Variants in C3orf70 observed in about 807,000 individuals in gnomAD.
The protein encoded by C3orf70 is UPF0524 protein C3orf70.
Under a neutral mutation model 20.7 loss-of-function variants are expected in C3orf70, and 15 were observed. That is an observed-to-expected ratio of 0.72 (90% CI 0.48 to 1.11). The LOEUF is 1.11. C3orf70 is among the 50% of genes most tolerant of loss of function. C3orf70 has a pLI of 0.00. For missense variants in C3orf70, 332 were observed against 317.6 expected (o/e 1.05, Z -0.34); for synonymous variants, 161 against 125.7 (o/e 1.28, Z -1.88).
rs1489936446 is a variant in C3orf70, at chr3:185,078,705, CTG to C, written c.*4300_*4301del. On this transcript the variant is annotated 3_prime_UTR_variant, in exon 2 of 2. Transcript: ENST00000335012. ...CTGGAGAAGGGGACAGAAGAGAAAA[CTG>C]TTAAAACTTTGTTTTCCTCATGTAA... 1 of 152,182 alleles carries C rather than the reference CTG, an allele frequency of 6.6e-6. No individual in the cohort carries two copies. The highest frequency in any genetic ancestry group is 1.5e-5 in the Non-Finnish European group (1 of 68,020). The allele number at this position is 152,182 out of a possible 1,614,324, so 9.4% of individuals were successfully genotyped here.
In C3orf70 at chr3:185,079,853, G is replaced by A. The variant is rs929144591; in HGVS notation, c.*3154C>T. The A allele has an allele frequency of 2.0e-5, 3 of 152,662 alleles. No homozygotes were observed. The highest frequency in any genetic ancestry group is 7.2e-5 in the African/African-American group (3 of 41,464). The allele number at this position is 152,662 out of a possible 1,614,324, so 9.5% of individuals were successfully genotyped here. A position where few individuals can be genotyped will look rare whatever the true frequency, so the allele number is the denominator to read the frequency against. ...TTCATATCTGTCAGTCAGTGTGCAA[G>A]TGTTAACCACTTCATGTGACTGAGT... On this transcript the variant is annotated 3_prime_UTR_variant, in exon 2 of 2. Coordinates refer to ENST00000335012, the MANE Select transcript of C3orf70 (RefSeq NM_001025266.3).
chr3:185,133,606 A>C (rs1009806911), intron 1 of C3orf70, among the ~76,000 whole-genome samples: 1 of 147,398 alleles, frequency 6.8e-6, no homozygotes, highest in Non-Finnish European at 1.5e-5. Flanking sequence ...TTAGCCAGGC[A>C]TGGTGCACAC....
chr3:185,126,633 T>C (rs1468370316), intron 1 of C3orf70, among the ~76,000 whole-genome samples: 1 of 152,164 alleles, frequency 6.6e-6, no homozygotes, highest in African/African-American at 2.4e-5. Context: ...ACCCAAGAAA[T>C]AGATATTATC....
intron 1 of C3orf70, among the ~76,000 whole-genome samples, chr3:185,115,425 A>C (rs1716155349): frequency 6.6e-6 from 1 of 152,186 alleles, no homozygotes; most frequent in African/African-American, 2.4e-5. Flanking sequence ...CCCATTATGG[A>C]GAAGGCTTCC....
chr3:185,122,458 C>A (rs1441460951), intron 1 of C3orf70, among the ~76,000 whole-genome samples: 1 of 152,064 alleles, frequency 6.6e-6, no homozygotes, highest in Admixed American at 6.5e-5. Context: ...TCGAAAGCCC[C>A]GAGTGTCTAA....
chr3:185,102,353 G>C (rs1715839897), intron 1 of C3orf70, among the ~76,000 whole-genome samples: 1 of 152,168 alleles, frequency 6.6e-6, no homozygotes, highest in South Asian at 2.1e-4. Context: ...AGCTAACCAG[G>C]GAGGTGAAAG....
intron 1 of C3orf70, among the ~76,000 whole-genome samples, chr3:185,127,473 C>A (rs1716436221): frequency 6.6e-6 from 1 of 152,150 alleles, no homozygotes; most frequent in African/African-American, 2.4e-5. Context: ...GAGTCTCATT[C>A]TTGTCACCCA....
rs1201415927 is a variant in C3orf70, at chr3:185,078,391, G to A, written c.*4616C>T. 6.6e-6 allele frequency: 1 copy of A among 152,256 alleles called. No homozygotes were observed. The highest frequency in any genetic ancestry group is 1.5e-5 in the Non-Finnish European group (1 of 68,040). The allele number at this position is 152,256 out of a possible 1,614,324, so 9.4% of individuals were successfully genotyped here. A position where few individuals can be genotyped will look rare whatever the true frequency, so the allele number is the denominator to read the frequency against. Reference sequence around the variant, plus strand: ...GAAAAAAGAAGTCATAGCACTAACTGAAACATGGCCTTTTCCTAGAACAGC... The same window carrying A: ...GAAAAAAGAAGTCATAGCACTAACTAAAACATGGCCTTTTCCTAGAACAGC... On this transcript the variant is annotated 3_prime_UTR_variant, in exon 2 of 2. Transcript: ENST00000335012.
chr3:185,080,674 T>C lies in C3orf70; in HGVS notation c.*2333A>G, dbSNP rs1015968190. 5 of 152,272 alleles carry C rather than the reference T, an allele frequency of 3.3e-5. No homozygotes were observed. The highest frequency in any genetic ancestry group is 7.3e-5 in the Non-Finnish European group (5 of 68,072). The allele number at this position is 152,272 out of a possible 1,614,324, so 9.4% of individuals were successfully genotyped here. The stretch of plus-strand genomic sequence containing the variant: ...ACACACGGCTTGCAGGCATTTGGCT[T>C]CCACACCTGCCTTCAGTGAGCCACT... On this transcript the variant is annotated 3_prime_UTR_variant, in exon 2 of 2. Coordinates refer to ENST00000335012, the MANE Select transcript of C3orf70 (RefSeq NM_001025266.3).
chr3:185,119,186 G>C (rs1716241541), intron 1 of C3orf70, among the ~76,000 whole-genome samples: 1 of 152,100 alleles, frequency 6.6e-6, no homozygotes, highest in South Asian at 2.1e-4. Context: ...CCACATTTTA[G>C]TACTATGAGG....
chr3:185,083,014 G>GTCGTTTCTA lies in C3orf70; in HGVS notation c.737_745dup (p.Ile246_Thr248dup). 1 of 1,613,340 alleles carries GTCGTTTCTA rather than the reference G, an allele frequency of 6.2e-7. No individual in the cohort carries two copies. The highest frequency in any genetic ancestry group is 8.5e-7 in the Non-Finnish European group (1 of 1,179,578). Reference sequence around the variant, plus strand: ...GGCTTCCTGTCTGGACTCTCACACAGTCGTTTCTATCGTTTCAATCACTTC... The same window carrying GTCGTTTCTA: ...GGCTTCCTGTCTGGACTCTCACACAGTCGTTTCTATCGTTTCTATCGTTTCAATCACTTC... On this transcript the variant is annotated inframe_insertion, in exon 2 of 2. Coordinates refer to ENST00000335012, the MANE Select transcript of C3orf70 (RefSeq NM_001025266.3).
intron 1 of C3orf70, 41 bp downstream of exon 1, chr3:185,152,587 C>G (rs1717014576): frequency 1.3e-6 from 2 of 1,511,992 alleles, no homozygotes; most frequent in African/African-American, 1.5e-5. Context: ...CGGGCGTCCC[C>G]CGGACCGCGG....
At chr3:185,149,814 A>C (rs982610372) in intron 1 of C3orf70, among the ~76,000 whole-genome samples, 1 of 152,232 alleles carries the variant, frequency 6.6e-6, no homozygotes, top group Non-Finnish European at 1.5e-5. Flanking sequence ...GGACTGCCAA[A>C]GACTGGAAAA....
At chr3:185,132,239 A>C (rs566480990) in intron 1 of C3orf70, among the ~76,000 whole-genome samples, 1 of 152,204 alleles carries the variant, frequency 6.6e-6, no homozygotes. Context: ...AATCCAGTGA[A>C]TCAGATCTGC....
intron 1 of C3orf70, among the ~76,000 whole-genome samples, chr3:185,105,838 G>C (rs988107393): frequency 6.6e-6 from 1 of 152,182 alleles, no homozygotes; most frequent in African/African-American, 2.4e-5. Flanking sequence ...GAGTAAGAAG[G>C]GGAGCTTGGA....
intron 1 of C3orf70, among the ~76,000 whole-genome samples, chr3:185,096,606 G>T (rs1297802547): frequency 8.5e-5 from 13 of 152,138 alleles, no homozygotes; most frequent in Non-Finnish European, 1.8e-4. Flanking sequence ...GGGTGCGGAG[G>T]ACTCTGCAGG....
Position 185,083,016 on chromosome 3 carries a change from C to A in C3orf70, c.744G>T (p.Thr248=). Residue 248 remains threonine (T), a synonymous_variant, in exon 2 of 2, where the codon ACG becomes ACT. Coordinates refer to ENST00000335012, the MANE Select transcript of C3orf70 (RefSeq NM_001025266.3). ...CTTCCTGTCTGGACTCTCACACAGT[C>A]GTTTCTATCGTTTCAATCACTTCCA... is the stretch of plus-strand genomic sequence containing the variant. ...SDLEVIETIE[T]TV is the part of the protein sequence containing the mutation. The A allele has an allele frequency of 1.2e-6, 2 of 1,613,156 alleles. No homozygotes were observed. Among genetic ancestry groups the A allele is most frequent in the East Asian group, 4.5e-5 (2 of 44,864 alleles).
At chr3:185,090,046 G>A (rs1328118399) in intron 1 of C3orf70, among the ~76,000 whole-genome samples, 1 of 152,102 alleles carries the variant, frequency 6.6e-6, no homozygotes, top group Admixed American at 6.5e-5. Context: ...CTTATAACAA[G>A]ATAGGAGTCA....
chr3:185,140,983 A>G (rs1395149997), intron 1 of C3orf70, among the ~76,000 whole-genome samples: 1 of 144,832 alleles, frequency 6.9e-6, no homozygotes, highest in Non-Finnish European at 1.5e-5. Context: ...AAAAAAAAAG[A>G]AAAAAAAAGA....
Sources: allele counts gnomAD v4.1 joint callset (sites outside exome capture counted in the v4.1 genomes callset), GRCh38; gene constraint gnomAD v4.1.1; transcripts MANE v1.5; gene names NCBI Gene and HGNC (gene_info 2026-07-23, HGNC 2026-07-21).